Variants in AGBL4 observed in about 807,000 individuals in gnomAD.
AGBL4 encodes the protein AGBL carboxypeptidase 4.
Under a neutral mutation model 66.4 loss-of-function variants are expected in AGBL4, and 58 were observed. The ratio of observed to expected loss-of-function variants is 0.87; its 90% confidence interval spans 0.71 to 1.09. The LOEUF (loss-of-function observed/expected upper bound fraction) is 1.09, where lower values mean the gene tolerates loss of function less well. Among genes scored for constraint, AGBL4 ranks in the 50% least tolerant of loss-of-function variants. AGBL4 has a pLI of 0.00. For synonymous variants in AGBL4, 234 were observed against 222.9 expected (o/e 1.05, Z -0.44); for missense variants, 579 against 631.0 (o/e 0.92, Z 0.88).
At chr1:49,751,047 A>T (rs1385371918) in intron 2 of AGBL4, among the ~76,000 whole-genome samples, 2 of 152,144 alleles carry the variant, frequency 1.3e-5, no homozygotes, top group African/African-American at 4.8e-5. Context: ...AGATAATTTG[A>T]CTTCCTCTCT....
chr1:49,737,101 C>T (rs1460970086), intron 2 of AGBL4, among the ~76,000 whole-genome samples: 1 of 151,736 alleles, frequency 6.6e-6, no homozygotes, highest in Non-Finnish European at 1.5e-5. Flanking sequence ...TAAATTAGTC[C>T]AGCCACTATG....
chr1:48,681,038 G>T (rs529818291), intron 6 of AGBL4, among the ~76,000 whole-genome samples: 2 of 151,852 alleles, frequency 1.3e-5, no homozygotes, highest in Non-Finnish European at 2.9e-5. Context: ...CTGACACAGG[G>T]CATGGGAATC....
At chr1:49,401,908 T>C (rs958828047) in intron 3 of AGBL4, among the ~76,000 whole-genome samples, 6 of 152,290 alleles carry the variant, frequency 3.9e-5, no homozygotes, top group Admixed American at 2.0e-4. Context: ...TCAATACTTA[T>C]AGGTTTTGTG....
chr1:48,786,332 TAGAG>T (rs1355126600), intron 6 of AGBL4, among the ~76,000 whole-genome samples: 2 of 152,220 alleles, frequency 1.3e-5, no homozygotes, highest in African/African-American at 2.4e-5. Flanking sequence ...AACTAAGACT[TAGAG>T]AGATCATAGA....
intron 6 of AGBL4, among the ~76,000 whole-genome samples, chr1:48,774,430 G>A (rs1211628208): frequency 6.6e-6 from 1 of 152,198 alleles, no homozygotes; most frequent in East Asian, 1.9e-4. Context: ...GTACCCAGGA[G>A]ATCAAAATTC....
chr1:49,850,934 A>G (rs1646287501), intron 2 of AGBL4, among the ~76,000 whole-genome samples: 1 of 152,078 alleles, frequency 6.6e-6, no homozygotes, highest in Non-Finnish European at 1.5e-5. Context: ...GCATTTGCCA[A>G]TTACGAGGAA....
intron 2 of AGBL4, among the ~76,000 whole-genome samples, chr1:49,710,628 A>C (rs965980365): frequency 6.6e-6 from 1 of 151,654 alleles, no homozygotes; most frequent in East Asian, 1.9e-4. Context: ...ATTTTTAAAA[A>C]ATATATATAA....
intron 11 of AGBL4, among the ~76,000 whole-genome samples, chr1:48,569,392 C>T (rs1228371956): frequency 1.3e-5 from 2 of 152,190 alleles, no homozygotes; most frequent in Non-Finnish European, 2.9e-5. Context: ...CACACTTTCA[C>T]AGGTAGAAAA....
intron 1 of AGBL4, among the ~76,000 whole-genome samples, chr1:49,971,263 C>T (rs935292394): frequency 6.6e-6 from 1 of 152,186 alleles, no homozygotes; most frequent in African/African-American, 2.4e-5. Flanking sequence ...CTACCTGGAA[C>T]ATGAATCATC....
chr1:48,608,879 C>T (rs1047530989), intron 9 of AGBL4, among the ~76,000 whole-genome samples: 1 of 152,074 alleles, frequency 6.6e-6, no homozygotes, highest in Non-Finnish European at 1.5e-5. Context: ...TAATCCTTCA[C>T]ATTTGTATGG....
chr1:49,465,532 C>T (rs1205398768), intron 3 of AGBL4, among the ~76,000 whole-genome samples: 7 of 151,736 alleles, frequency 4.6e-5, no homozygotes, highest in Admixed American at 4.6e-4. Flanking sequence ...TTATATATCC[C>T]CAGTGCCTTA....
chr1:49,950,554 G>T (rs1053120025), intron 1 of AGBL4, among the ~76,000 whole-genome samples: 3 of 150,836 alleles, frequency 2.0e-5, no homozygotes, highest in Non-Finnish European at 4.4e-5. Flanking sequence ...ATAACCTATG[G>T]AAATAAAAGA....
At chr1:49,845,866 G>A (rs1646128809) in intron 2 of AGBL4, 3 of 1,425,284 alleles carry the variant, frequency 2.1e-6, no homozygotes, top group Non-Finnish European at 3.0e-6. Flanking sequence ...CTTCCTTCTG[G>A]CAGAGCACAA....
intron 5 of AGBL4, among the ~76,000 whole-genome samples, chr1:49,004,082 C>T (rs1408797559): frequency 1.3e-5 from 2 of 152,226 alleles, no homozygotes; most frequent in African/African-American, 4.8e-5. Flanking sequence ...CTCATTTCCA[C>T]ATTATCTCAA....
chr1:49,811,347 T>C (rs944960410), intron 2 of AGBL4, among the ~76,000 whole-genome samples: 9 of 152,128 alleles, frequency 5.9e-5, no homozygotes, highest in South Asian at 2.1e-4. Context: ...TAGCGCTTAA[T>C]TGAGAATTTA....
intron 3 of AGBL4, among the ~76,000 whole-genome samples, chr1:49,552,232 C>T (rs1653014637): frequency 6.6e-6 from 1 of 152,168 alleles, no homozygotes; most frequent in South Asian, 2.1e-4. Flanking sequence ...TACCTGTCTC[C>T]TAGCTGAGGA....
intron 2 of AGBL4, among the ~76,000 whole-genome samples, chr1:49,748,644 C>A (rs1222826527): frequency 6.6e-6 from 1 of 152,138 alleles, no homozygotes; most frequent in Non-Finnish European, 1.5e-5. Context: ...AGCATTCCTA[C>A]TTCTCCACAT....
chr1:49,150,531 T>G (rs1388106288), intron 4 of AGBL4, among the ~76,000 whole-genome samples: 3 of 152,210 alleles, frequency 2.0e-5, no homozygotes, highest in Non-Finnish European at 4.4e-5. Flanking sequence ...CATGTGTACT[T>G]TTCACTACTT....
chr1:49,549,685 C>T (rs1039787042), intron 3 of AGBL4, among the ~76,000 whole-genome samples: 1 of 151,956 alleles, frequency 6.6e-6, no homozygotes, highest in African/African-American at 2.4e-5. Context: ...TATTAAGGCT[C>T]GTTTTATGGC....
Sources: allele counts gnomAD v4.1 joint callset (sites outside exome capture counted in the v4.1 genomes callset), GRCh38; gene constraint gnomAD v4.1.1; transcripts MANE v1.5; gene names NCBI Gene and HGNC (gene_info 2026-07-23, HGNC 2026-07-21).